The following PTBP3 variants were observed in gnomAD, a reference collection of about 807,000 sequenced individuals.
PTBP3 encodes the protein polypyrimidine tract-binding protein 3.
Under a neutral mutation model 58.7 loss-of-function variants are expected in PTBP3, and 20 were observed. The observed-to-expected ratio is 0.34, with a 90% CI of 0.24 to 0.50. The LOEUF is 0.50. Ranked by LOEUF, PTBP3 falls within the 20% of genes least tolerant of loss-of-function variation. PTBP3 has a pLI of 0.98. For missense variants in PTBP3, 509 were observed against 637.2 expected (o/e 0.80, Z 2.17); for synonymous variants, 185 against 219.8 (o/e 0.84, Z 1.40).
chr9:112,237,749 C>G (rs976690851), intron 7 of PTBP3, among the ~76,000 whole-genome samples: 2 of 152,148 alleles, frequency 1.3e-5, no homozygotes, highest in Non-Finnish European at 2.9e-5. Flanking sequence ...ACAGGATACT[C>G]TCACTGCATT....
chr9:112,324,470 T>A (rs1377882057), intron 1 of PTBP3, among the ~76,000 whole-genome samples: 1 of 152,108 alleles, frequency 6.6e-6, no homozygotes, highest in Non-Finnish European at 1.5e-5. Context: ...CTGGCTAACA[T>A]GGTGAAACTC....
intron 7 of PTBP3, among the ~76,000 whole-genome samples, chr9:112,244,410 A>G (rs1381011615): frequency 6.6e-6 from 1 of 151,916 alleles, no homozygotes; most frequent in African/African-American, 2.4e-5. Flanking sequence ...GCAGTGGCTC[A>G]CGCTGGTAAT....
intron 2 of PTBP3, among the ~76,000 whole-genome samples, chr9:112,293,559 T>A (rs1828537821): frequency 6.6e-6 from 1 of 152,164 alleles, no homozygotes; most frequent in Admixed American, 6.5e-5. Context: ...AAAGACCAAT[T>A]TCCTAGACCC....
At chr9:112,295,553 G>A in intron 2 of PTBP3, among the ~76,000 whole-genome samples, 1 of 136,758 alleles carries the variant, frequency 7.3e-6, no homozygotes, top group African/African-American at 2.8e-5. Context: ...AAGAGTAGCA[G>A]TTTCATCTGG....
intron 1 of PTBP3, among the ~76,000 whole-genome samples, chr9:112,314,718 A>G (rs921702877): frequency 1.3e-5 from 2 of 152,180 alleles, no homozygotes; most frequent in Non-Finnish European, 2.9e-5. Context: ...ACAAAAAGAA[A>G]TACACAAATC....
intron 2 of PTBP3, among the ~76,000 whole-genome samples, chr9:112,285,242 C>A (rs748554906): frequency 5.3e-5 from 8 of 152,126 alleles, no homozygotes; most frequent in Non-Finnish European, 1.2e-4. Context: ...ATTGGCAGTT[C>A]CTCCTTCACA....
At chr9:112,271,066 A>G (rs1827365565) in intron 3 of PTBP3, among the ~76,000 whole-genome samples, 1 of 152,066 alleles carries the variant, frequency 6.6e-6, no homozygotes, top group African/African-American at 2.4e-5. Context: ...ACCTCAAGTG[A>G]TCTGCCCACC....
chr9:112,377,671 C>G, the PTBP3 span, among the ~76,000 whole-genome samples: 1 of 152,318 alleles, frequency 6.6e-6, no homozygotes, highest in Middle Eastern at 3.4e-3. Flanking sequence ...AACCAGTAGT[C>G]TGTCAGGAAA....
At chr9:112,246,326 G>T (rs1391609431) in intron 7 of PTBP3, among the ~76,000 whole-genome samples, 1 of 152,024 alleles carries the variant, frequency 6.6e-6, no homozygotes, top group African/African-American at 2.4e-5. Flanking sequence ...AATAAAGGTA[G>T]AAGAAATGAT....
intron 1 of PTBP3, among the ~76,000 whole-genome samples, chr9:112,318,737 G>T (rs1829803325): frequency 6.6e-6 from 1 of 150,378 alleles, no homozygotes; most frequent in Admixed American, 6.6e-5. Flanking sequence ...TCCAGCCTGG[G>T]CAACAGAGTG....
intron 12 of PTBP3, among the ~76,000 whole-genome samples, chr9:112,226,308 A>G (rs1489452738): frequency 6.6e-6 from 1 of 151,930 alleles, no homozygotes; most frequent in Non-Finnish European, 1.5e-5. Context: ...GAGGCCGGAT[A>G]TTCAGCATTC....
intron 1 of PTBP3, 152 bp downstream of exon 1, chr9:112,333,318 G>T (rs903474398): frequency 1.2e-5 from 12 of 1,016,820 alleles, no homozygotes; most frequent in African/African-American, 6.8e-5. Flanking sequence ...CCACCGAGAC[G>T]CCCGGAAGCC....
At chr9:112,373,822 C>T in the PTBP3 span, among the ~76,000 whole-genome samples, 2 of 152,224 alleles carry the variant, frequency 1.3e-5, no homozygotes, top group Non-Finnish European at 2.9e-5. Flanking sequence ...TGTACACCTA[C>T]ACAAACATGT....
At chr9:112,270,519 T>C (rs906898151) in intron 3 of PTBP3, among the ~76,000 whole-genome samples, 1 of 151,880 alleles carries the variant, frequency 6.6e-6, no homozygotes, top group Non-Finnish European at 1.5e-5. Context: ...ACGAAGCATT[T>C]TTAATTTTTT....
chr9:112,361,920 T>A, the PTBP3 span, among the ~76,000 whole-genome samples: 1 of 152,218 alleles, frequency 6.6e-6, no homozygotes, highest in Non-Finnish European at 1.5e-5. Context: ...TCCTTTTTTT[T>A]ATTATAGTCA....
intron 4 of PTBP3, among the ~76,000 whole-genome samples, chr9:112,266,012 G>A (rs1836785351): frequency 6.6e-6 from 1 of 152,146 alleles, no homozygotes; most frequent in African/African-American, 2.4e-5. Context: ...AGTCAGAAAA[G>A]ATTGTATTAT....
chr9:112,363,919 A>G, the PTBP3 span, among the ~76,000 whole-genome samples: 1 of 152,208 alleles, frequency 6.6e-6, no homozygotes, highest in Non-Finnish European at 1.5e-5. Flanking sequence ...CAAATATATA[A>G]TGACATATCT....
intron 1 of PTBP3, among the ~76,000 whole-genome samples, chr9:112,309,953 T>C (rs2132381292): frequency 6.6e-6 from 1 of 152,316 alleles, no homozygotes; most frequent in South Asian, 2.1e-4. Context: ...CTCCTGTAAC[T>C]ATAAACACAT....
rs1237305837 is a variant in PTBP3, at chr9:112,220,990, C to T, written c.*2861G>A. ...ACACAGATCTAGTTTTTCCACCATC[C>T]TGATATTTTTTAATCTTTTTTTTAC... On this transcript the variant is annotated 3_prime_UTR_variant, in exon 14 of 14. Transcript: ENST00000374257. The T allele has an allele frequency of 1.0e-6, 1 of 971,850 alleles. No individual in the cohort carries two copies. Among genetic ancestry groups the T allele is most frequent in the Non-Finnish European group, 1.2e-6 (1 of 817,798 alleles). The allele number at this position is 971,850 out of a possible 1,614,324, so 60.2% of individuals were successfully genotyped here.
Sources: gnomAD v4.1 joint callset for allele counts (sites outside exome capture counted in the v4.1 genomes callset) on GRCh38, gnomAD v4.1.1 for gene constraint, MANE v1.5 for transcripts, NCBI Gene and HGNC (gene_info 2026-07-23, HGNC 2026-07-21) for gene names.